The following H1-8 variants were observed in gnomAD, a reference collection of about 807,000 sequenced individuals.
The protein encoded by H1-8 is histone H1.8.
Under a neutral mutation model 19.5 loss-of-function variants are expected in H1-8, and 13 were observed. The observed-to-expected ratio is 0.67, with a 90% CI of 0.43 to 1.06. The LOEUF (loss-of-function observed/expected upper bound fraction) is 1.06, where lower values mean the gene tolerates loss of function less well. Among genes scored for constraint, H1-8 ranks in the 50% least tolerant of loss-of-function variants. H1-8 has a pLI of 0.00. For synonymous variants in H1-8, 193 were observed against 187.6 expected (o/e 1.03, Z -0.24); for missense variants, 432 against 459.8 (o/e 0.94, Z 0.55).
intron 3 of H1-8, among the ~76,000 whole-genome samples, chr3:129,550,190 C>T (rs1450014711): frequency 6.6e-6 from 1 of 152,008 alleles, no homozygotes; most frequent in East Asian, 1.9e-4. Context: ...GAGTGCTGAG[C>T]CCAGGAATTA....
In H1-8 at chr3:129,551,134, A is replaced by C. The variant is rs1306078143; in HGVS notation, c.835A>C (p.Lys279Gln). Residue 279 changes from lysine to glutamine, a missense_variant, in exon 5 of 5, where the codon AAA (lysine) becomes CAA (glutamine). Coordinates refer to ENST00000324382, the MANE Select transcript of H1-8 (RefSeq NM_153833.3). Reference sequence around the variant, plus strand: ...CAAGAATGGTGCTGCTTCCCCGACCAAAAAGAAGGTGGTGGCCAAGGCCAA... The same window carrying C: ...CAAGAATGGTGCTGCTTCCCCGACCCAAAAGAAGGTGGTGGCCAAGGCCAA... ...KVKNGAASPT[K>Q]KKVVAKAKAP... 1.2e-6 allele frequency: 2 copies of C among 1,613,890 alleles called. No individual in the cohort carries two copies. The highest frequency in any genetic ancestry group is 8.5e-7 in the Non-Finnish European group (1 of 1,179,964).
Position 129,543,234 on chromosome 3 carries a change from G to A in H1-8, c.16G>A (p.Val6Ile), listed in dbSNP as rs118098064. The A allele has an allele frequency of 0.022, 34,802 of 1,612,846 alleles. 2,674 individuals carry two copies. In the East Asian group the frequency reaches 0.26, roughly 12 times the overall value. MAPGS[V>I]TSDISPSSTS... ...TGTCGGTCTCATGGCTCCTGGGAGC[G>A]TCACCAGCGACATCTCACCCTCCTC... Residue 6 changes from valine (V) to isoleucine (I), a missense_variant, in exon 1 of 5, where the codon GTC (valine) becomes ATC (isoleucine). By Grantham distance (29) the Val-to-Ile change is conservative (BLOSUM62 3). Transcript: ENST00000324382.
At chr3:129,547,768 T>C (rs1252694329) in intron 2 of H1-8, 88 bp downstream of exon 2, 2 of 1,144,720 alleles carry the variant, frequency 1.7e-6, no homozygotes, top group Non-Finnish European at 2.4e-6. Context: ...GGAAGGCCTT[T>C]CCCCTCCGGT....
intron 4 of H1-8, 38 bp from the exon 5 acceptor site, chr3:129,551,069 C>T: frequency 3.8e-6 from 6 of 1,576,996 alleles, no homozygotes; most frequent in Non-Finnish European, 5.2e-6. Flanking sequence ...TTCAGCCCTT[C>T]CCAGCTGTCT....
At chr3:129,545,828 A>G (rs918968538) in intron 1 of H1-8, among the ~76,000 whole-genome samples, 5 of 152,158 alleles carry the variant, frequency 3.3e-5, no homozygotes. Context: ...CCATCTGTCA[A>G]TCATTCATCA....
At chr3:129,550,207 A>T (rs1209823020) in intron 3 of H1-8, among the ~76,000 whole-genome samples, 1 of 152,092 alleles carries the variant, frequency 6.6e-6, no homozygotes, top group African/African-American at 2.4e-5. Context: ...ATTAGAGACC[A>T]ATCTGGGCAA....
rs1314449188 is a variant in H1-8, at chr3:129,547,360, C to T, written c.89-31C>T. On this transcript the variant is annotated intron_variant, in intron 1 of 4. Coordinates refer to ENST00000324382, the MANE Select transcript of H1-8 (RefSeq NM_153833.3). Reference sequence around the variant, plus strand: ...TGCCTGCCACTGAGTTGTGACTGGGCCCCGGGTGATGGCCTGCCATCTCTC... The same window carrying T: ...TGCCTGCCACTGAGTTGTGACTGGGTCCCGGGTGATGGCCTGCCATCTCTC... The T allele has an allele frequency of 2.7e-6, 4 of 1,466,260 alleles. 1 individual carries two copies. Among genetic ancestry groups the T allele is most frequent in the Admixed American group, 2.8e-5 (1 of 35,328 alleles). The allele number at this position is 1,466,260 out of a possible 1,614,324, so 90.8% of individuals were successfully genotyped here. A position where few individuals can be genotyped will look rare whatever the true frequency, so the allele number is the denominator to read the frequency against.
intron 1 of H1-8, among the ~76,000 whole-genome samples, chr3:129,544,947 C>T (rs150282442): frequency 2.0e-5 from 3 of 151,976 alleles, no homozygotes; most frequent in Non-Finnish European, 2.9e-5. Context: ...ACACTGGGCT[C>T]GTCATGGCCA....
chr3:129,543,626 G>A (rs1175466070), intron 1 of H1-8, among the ~76,000 whole-genome samples: 2 of 151,624 alleles, frequency 1.3e-5, no homozygotes, highest in African/African-American at 4.8e-5. Context: ...CCGTAGCCAG[G>A]CTGCAGCTGT....
rs150016562 is a variant in H1-8, at chr3:129,547,249, G to C, written c.89-142G>C. ...AGCCTTGAGGGGAGACCATCCGGGA[G>C]CTCCCATGCCAGCGGTCAGTGTCTT... On this transcript the variant is annotated intron_variant, in intron 1 of 4. Coordinates refer to ENST00000324382, the MANE Select transcript of H1-8 (RefSeq NM_153833.3). The C allele has an allele frequency of 8.2e-3, 6,370 of 773,716 alleles. 42 individuals carry two copies. Among genetic ancestry groups the C allele is most frequent in the South Asian group, 0.02 (1,012 of 51,872 alleles). 47.9% of individuals were successfully genotyped at this position (773,716 alleles called of 1,614,324 possible).
At chr3:129,548,284 A>G (rs1365275325) in intron 2 of H1-8, 1 of 974,734 alleles carries the variant, frequency 1.0e-6, no homozygotes, top group Non-Finnish European at 1.2e-6. Context: ...GCTGGGGAAC[A>G]TTCTCAGCCT....
At chr3:129,547,775 C>T (rs995066660) in intron 2 of H1-8, 95 bp downstream of exon 2, 26 of 1,156,664 alleles carry the variant, frequency 2.2e-5, no homozygotes, top group South Asian at 6.5e-5. Context: ...CTTTCCCCTC[C>T]GGTCCCCTGT....
chr3:129,550,690 C>A, intron 3 of H1-8, 55 bp from the exon 4 acceptor site: 1 of 1,488,538 alleles, frequency 6.7e-7, no homozygotes, highest in Non-Finnish European at 9.4e-7. Context: ...AAACTTCCTG[C>A]CCCACCAGCA....
intron 1 of H1-8, among the ~76,000 whole-genome samples, chr3:129,546,116 C>CAAT (rs1553782831): frequency 1.2e-4 from 13 of 112,192 alleles, no homozygotes; most frequent in Non-Finnish European, 1.9e-4. Flanking sequence ...TGTCAAATAA[C>CAAT]AATAACAATA....
At chr3:129,548,866 G>T in intron 2 of H1-8, 135 bp from the exon 3 acceptor site, 1 of 1,211,720 alleles carries the variant, frequency 8.3e-7, no homozygotes. Context: ...GTGGCTTCGT[G>T]CCTTCTCCCT....
rs1487936029 is a variant in H1-8 at position 129,543,175 on chromosome 3, C to T, written c.-44C>T. The T allele has an allele frequency of 1.1e-5, 17 of 1,483,794 alleles. No homozygotes were observed. The highest frequency in any genetic ancestry group is 1.5e-5 in the Non-Finnish European group (16 of 1,072,500). 91.9% of individuals were successfully genotyped at this position (1,483,794 alleles called of 1,614,324 possible). A position where few individuals can be genotyped will look rare whatever the true frequency, so the allele number is the denominator to read the frequency against. ...AAGCCTAGTGGGCAGGCCCAGCAGCCTCACACCCGGGTGAGGGGTCTGCTG... is the reference window on the plus strand; with the variant it reads ...AAGCCTAGTGGGCAGGCCCAGCAGCTTCACACCCGGGTGAGGGGTCTGCTG... On this transcript the variant is annotated 5_prime_UTR_variant, in exon 1 of 5. Transcript: ENST00000324382.
rs2625968 is a variant in H1-8, at chr3:129,551,202, T to C, written c.903T>C (p.Ala301=). ...AGGGGCCAAACACCAAGGCTGCTGCTCCTGCTAAGGGCAGTGGGTCCAAGG... is the reference window on the plus strand; with the variant it reads ...AGGGGCCAAACACCAAGGCTGCTGCCCCTGCTAAGGGCAGTGGGTCCAAGG... The part of the protein sequence containing the change: ...AGQGPNTKAA[A]PAKGSGSKVV... Residue 301 remains alanine (A), a synonymous_variant, in exon 5 of 5, where the codon GCT becomes GCC. Coordinates refer to ENST00000324382, the MANE Select transcript of H1-8 (RefSeq NM_153833.3). 1.8e-3 allele frequency: 2,966 copies of C among 1,614,210 alleles called. 51 individuals are homozygous for C. The African/African-American group carries it at 0.035, about 19-fold the overall frequency.
chr3:129,543,433 C>G, intron 1 of H1-8, 127 bp downstream of exon 1: 1 of 692,432 alleles, frequency 1.4e-6, no homozygotes, highest in Non-Finnish European at 2.6e-6. Context: ...ACCCACCCAG[C>G]ACTCACCCAG....
At chr3:129,549,821 G>A (rs1308715473) in intron 3 of H1-8, among the ~76,000 whole-genome samples, 1 of 152,134 alleles carries the variant, frequency 6.6e-6, no homozygotes, top group East Asian at 1.9e-4. Flanking sequence ...GGGCATGGTG[G>A]TGTACACCTA....
Sources: gnomAD v4.1 joint callset for allele counts (sites outside exome capture counted in the v4.1 genomes callset) on GRCh38, gnomAD v4.1.1 for gene constraint, MANE v1.5 for transcripts, NCBI Gene and HGNC (gene_info 2026-07-23, HGNC 2026-07-21) for gene names.